Variants in ZNF614 observed in about 807,000 individuals in gnomAD.
ZNF614 encodes the protein zinc finger protein 614.
Under a neutral mutation model 12.8 loss-of-function variants are expected in ZNF614, and 11 were observed. The observed-to-expected ratio is 0.86, with a 90% CI of 0.54 to 1.43. The LOEUF is 1.43. Among genes scored for constraint, ZNF614 ranks in the 40% most tolerant of loss-of-function variants. The pLI, the probability that ZNF614 is intolerant of heterozygous loss-of-function variation, is 0.00. For synonymous variants in ZNF614, 237 were observed against 237.5 expected (o/e 1.00, Z 0.02); for missense variants, 664 against 708.8 (o/e 0.94, Z 0.72).
rs1243839148 is a variant in ZNF614, at chr19:52,014,237, C to T, written c.*1603G>A. On this transcript the variant is annotated 3_prime_UTR_variant, in exon 5 of 5. Transcript: ENST00000270649. Reference sequence around the variant, plus strand: ...TCTCCCACACCAATTGGGTGTTCTACAATTCAATTCTGAACAACTGGGTGT... The same window carrying T: ...TCTCCCACACCAATTGGGTGTTCTATAATTCAATTCTGAACAACTGGGTGT... 1.3e-5 allele frequency: 2 copies of T among 152,186 alleles called. No homozygotes were observed. The highest frequency in any genetic ancestry group is 1.3e-4 in the Admixed American group (2 of 15,278). 9.4% of individuals were successfully genotyped at this position (152,186 alleles called of 1,614,324 possible).
chr19:52,027,409 G>A (rs993474361), intron 1 of ZNF614, among the ~76,000 whole-genome samples: 1 of 152,224 alleles, frequency 6.6e-6, no homozygotes, highest in Non-Finnish European at 1.5e-5. Context: ...CAGTTCCTAT[G>A]AGGCAAACTC....
chr19:52,013,480 T>A lies in ZNF614; in HGVS notation c.*2360A>T, dbSNP rs908683845. 1.9e-5 allele frequency: 3 copies of A among 155,146 alleles called. No individual in the cohort carries two copies. The highest frequency in any genetic ancestry group is 7.2e-5 in the African/African-American group (3 of 41,386). 9.6% of individuals were successfully genotyped at this position (155,146 alleles called of 1,614,324 possible). On this transcript the variant is annotated 3_prime_UTR_variant, in exon 5 of 5. Transcript: ENST00000270649. ...TTAGATACATGGTGGTAAAAAAAAATAATAAAACAACTATTCATCAACTCA... is the reference window on the plus strand; with the variant it reads ...TTAGATACATGGTGGTAAAAAAAAAAAATAAAACAACTATTCATCAACTCA...
chr19:52,018,556 G>C, intron 2 of ZNF614, 62 bp from the exon 3 acceptor site: 2 of 1,497,756 alleles, frequency 1.3e-6, no homozygotes, highest in South Asian at 2.6e-5. Context: ...AGAAGTATAA[G>C]ATAATTTTTT....
chr19:52,021,561 ACT>A (rs1274237105), intron 2 of ZNF614, among the ~76,000 whole-genome samples: 1 of 151,960 alleles, frequency 6.6e-6, no homozygotes, highest in African/African-American at 2.4e-5. Flanking sequence ...ACATAGTGAG[ACT>A]CTGTCTCTAT....
rs2086899298 is a variant in ZNF614 at position 52,016,583 on chromosome 19, CT to C, written c.1014del (p.Glu340ArgfsTer15). ...TCACTGCATATATAGGGTTTCTCCCCTGTATGAGTTCGCTGATGTACAATGA... is the reference window on the plus strand; with the variant it reads ...TCACTGCATATATAGGGTTTCTCCCCGTATGAGTTCGCTGATGTACAATGA... ...SNLIVHQRTHTGEKPYICSEC... is the reference protein window; with the variant it reads ...SNLIVHQRTHXGEKPYICSEC... On this transcript the variant is annotated frameshift_variant, in exon 5 of 5. Coordinates refer to ENST00000270649, the MANE Select transcript of ZNF614 (RefSeq NM_025040.4). LOFTEE classifies it low-confidence loss of function (END_TRUNC). 1.2e-6 allele frequency: 2 copies of C among 1,614,164 alleles called. No homozygotes were observed. The highest frequency in any genetic ancestry group is 1.7e-6 in the Non-Finnish European group (2 of 1,180,028).
In ZNF614 at chr19:52,016,995, A is replaced by G. The variant is rs1335741973; in HGVS notation, c.603T>C (p.Ile201=). 1 of 1,613,886 alleles carries G rather than the reference A, an allele frequency of 6.2e-7. No individual in the cohort carries two copies. Among genetic ancestry groups the G allele is most frequent in the Admixed American group, 1.7e-5 (1 of 60,006 alleles). Residue 201 remains isoleucine, a synonymous_variant, in exon 5 of 5, where the codon ATT becomes ATC. Transcript: ENST00000270649. ...QVFKHQRTQK[I]EKPHACIECE... is the part of the protein sequence containing the mutation. Reference sequence around the variant, plus strand: ...ATTCAATGCATGCATGGGGTTTCTCAATTTTCTGAGTCCTCTGATGCTTGA... The same window carrying G: ...ATTCAATGCATGCATGGGGTTTCTCGATTTTCTGAGTCCTCTGATGCTTGA...
intron 1 of ZNF614, among the ~76,000 whole-genome samples, chr19:52,026,871 C>T (rs2086978415): frequency 1.3e-5 from 2 of 152,318 alleles, no homozygotes; most frequent in South Asian, 2.1e-4. Flanking sequence ...AGGCACAGCA[C>T]GTTTCCTTAA....
rs751458555 is a variant in ZNF614 at position 52,018,477 on chromosome 19, C to A, written c.33G>T (p.Glu11Asp). MIKTQESLTL[E>D]DVAVEFSWEE... Reference sequence around the variant, plus strand: ...CCCAGCTGAATTCCACAGCCACATCCTCCAGGGTCAGTGATTCCTGTAATT... The same window carrying A: ...CCCAGCTGAATTCCACAGCCACATCATCCAGGGTCAGTGATTCCTGTAATT... Residue 11 changes from glutamate to aspartate, a missense_variant, in exon 3 of 5, where the codon GAG becomes GAT. Coordinates refer to ENST00000270649, the MANE Select transcript of ZNF614 (RefSeq NM_025040.4). The A allele has an allele frequency of 2.1e-5, 34 of 1,614,032 alleles. 1 individual carries two copies. In the South Asian group the frequency reaches 2.9e-4, roughly 14 times the overall value.
chr19:52,018,972 G>A (rs114490396), intron 2 of ZNF614, among the ~76,000 whole-genome samples: 2,538 of 152,102 alleles, frequency 0.017, 77 homozygotes, highest in African/African-American at 0.058. Context: ...AAGCTCAAGC[G>A]ACCTTCCCAC....
At chr19:52,025,587 G>T in intron 2 of ZNF614, 144 bp downstream of exon 2, 1 of 906,894 alleles carries the variant, frequency 1.1e-6, no homozygotes, top group Non-Finnish European at 1.7e-6. Context: ...TCTTAAGGCA[G>T]AATGAACCCC....
intron 2 of ZNF614, among the ~76,000 whole-genome samples, chr19:52,021,513 G>A (rs566446475): frequency 6.6e-6 from 1 of 152,116 alleles, no homozygotes; most frequent in African/African-American, 2.4e-5. Context: ...ACTTCCAGAG[G>A]AGAGTTTGAG....
intron 2 of ZNF614, among the ~76,000 whole-genome samples, chr19:52,020,571 T>A (rs1300855036): frequency 2.0e-5 from 3 of 152,220 alleles, no homozygotes; most frequent in African/African-American, 7.2e-5. Flanking sequence ...TTATTGAGAC[T>A]TCATGATGTA....
At position 52,025,868 on chromosome 19, in the gene ZNF614, C is replaced by A; in HGVS notation, c.-123G>T. ...TATTAGTGTCCACTTAAAGTTGTCC[C>A]CAGAAATTATGATATCCAAGGCCAG... is the stretch of plus-strand genomic sequence containing the variant. On this transcript the variant is annotated 5_prime_UTR_variant, in exon 2 of 5. Transcript: ENST00000270649. 1 of 1,058,186 alleles carries A rather than the reference C, an allele frequency of 9.5e-7. No individual in the cohort carries two copies. The highest frequency in any genetic ancestry group is 1.4e-6 in the Non-Finnish European group (1 of 716,848). 65.5% of individuals were successfully genotyped at this position (1,058,186 alleles called of 1,614,324 possible). A position where few individuals can be genotyped will look rare whatever the true frequency, so the allele number is the denominator to read the frequency against.
Position 52,025,787 on chromosome 19 carries a change from C to T in ZNF614, c.-42G>A, listed in dbSNP as rs768962855. 25 of 1,603,618 alleles carry T rather than the reference C, an allele frequency of 1.6e-5. No homozygotes were observed. The highest frequency in any genetic ancestry group is 1.4e-4 in the South Asian group (13 of 89,670). Reference sequence around the variant, plus strand: ...AAAATAGTGGATAACATGGACTATACGTCTTTGTCTCTTCTGCATTTGCCA... The same window carrying T: ...AAAATAGTGGATAACATGGACTATATGTCTTTGTCTCTTCTGCATTTGCCA... On this transcript the variant is annotated 5_prime_UTR_variant, in exon 2 of 5. Transcript: ENST00000270649.
chr19:52,018,284 A>T, intron 3 of ZNF614, 84 bp downstream of exon 3: 1 of 1,599,392 alleles, frequency 6.3e-7, no homozygotes, highest in Non-Finnish European at 8.6e-7. Flanking sequence ...CACCACAGTG[A>T]CTGTAAAGCT....
chr19:52,015,758 C>T lies in ZNF614; in HGVS notation c.*82G>A. ...TTTATGTTCCAATTGGCTAGAAACA[C>T]ACTGATGTTTAATGAAGTCTGAGTT... On this transcript the variant is annotated 3_prime_UTR_variant, in exon 5 of 5. Coordinates refer to ENST00000270649, the MANE Select transcript of ZNF614 (RefSeq NM_025040.4). The T allele has an allele frequency of 7.6e-7, 1 of 1,310,724 alleles. No individual in the cohort carries two copies. Among genetic ancestry groups the T allele is most frequent in the Non-Finnish European group, 1.1e-6 (1 of 946,354 alleles). 81.2% of individuals were successfully genotyped at this position (1,310,724 alleles called of 1,614,324 possible). A position where few individuals can be genotyped will look rare whatever the true frequency, so the allele number is the denominator to read the frequency against.
At chr19:52,025,467 G>A (rs762576895) in intron 2 of ZNF614, among the ~76,000 whole-genome samples, 3 of 152,142 alleles carry the variant, frequency 2.0e-5, no homozygotes, top group Non-Finnish European at 4.4e-5. Flanking sequence ...GGGATTACAG[G>A]TGTGCACCAC....
In ZNF614 at chr19:52,016,238, G is replaced by A. The variant is rs772956705; in HGVS notation, c.1360C>T (p.Pro454Ser). 1.2e-6 allele frequency: 2 copies of A among 1,614,128 alleles called. No individual in the cohort carries two copies. Among genetic ancestry groups the A allele is most frequent in the East Asian group, 2.2e-5 (1 of 44,874 alleles). Residue 454 changes from proline (P) to serine (S), a missense_variant, in exon 5 of 5, where the codon CCC becomes TCC. Coordinates refer to ENST00000270649, the MANE Select transcript of ZNF614 (RefSeq NM_025040.4). ...TTACCACATTCATTGCATTCATAGG[G>A]TTTTTCTCCTGTATGAGTTCGCTGA... ...IHQRTHTGEK[P>S]YECNECGKAF...
chr19:52,019,226 T>C (rs764252883), intron 2 of ZNF614, among the ~76,000 whole-genome samples: 2 of 152,060 alleles, frequency 1.3e-5, no homozygotes, highest in African/African-American at 2.4e-5. Flanking sequence ...ATTAGATACA[T>C]TGAAGATTAT....
Sources: allele counts gnomAD v4.1 joint callset (sites outside exome capture counted in the v4.1 genomes callset), GRCh38; gene constraint gnomAD v4.1.1; transcripts MANE v1.5; gene names NCBI Gene and HGNC (gene_info 2026-07-23, HGNC 2026-07-21).